The following PALLD variants were observed in gnomAD, a reference collection of about 807,000 sequenced individuals.
PALLD encodes the protein palladin, cytoskeletal associated protein.
PALLD carries 61 observed loss-of-function variants against 123.5 expected under a neutral mutation model. The ratio of observed to expected loss-of-function variants is 0.49; its 90% CI spans 0.40 to 0.61. PALLD has a LOEUF of 0.61. Among genes scored for constraint, PALLD ranks in the 20% least tolerant of loss-of-function variants. The pLI is 0.00. For missense variants in PALLD, 1,273 were observed against 1,377.0 expected (o/e 0.92, Z 1.20); for synonymous variants, 465 against 496.4 (o/e 0.94, Z 0.84).
intron 10 of PALLD, among the ~76,000 whole-genome samples, chr4:168,803,068 T>A (rs13147458): frequency 0.37 from 56,282 of 152,090 alleles, 10,799 homozygotes; most frequent in East Asian, 0.61. Context: ...TAAAAATGAT[T>A]GGTGATTGAA....
intron 10 of PALLD, among the ~76,000 whole-genome samples, chr4:168,749,500 A>C (rs961066969): frequency 6.6e-6 from 1 of 152,182 alleles, no homozygotes; most frequent in Non-Finnish European, 1.5e-5. Flanking sequence ...TAAGGCCAGA[A>C]GTTCGAGACT....
intron 10 of PALLD, among the ~76,000 whole-genome samples, chr4:168,864,158 CAGACAT>C (rs1043723198): frequency 2.6e-5 from 4 of 152,184 alleles, no homozygotes; most frequent in Non-Finnish European, 5.9e-5. Flanking sequence ...CTGTGTTACT[CAGACAT>C]AGAACCACGG....
intron 3 of PALLD, among the ~76,000 whole-genome samples, chr4:168,677,624 C>A (rs1290585105): frequency 6.6e-6 from 1 of 151,746 alleles, no homozygotes; most frequent in Non-Finnish European, 1.5e-5. Context: ...TTTTTGCCAC[C>A]CCTCCCCTTC....
chr4:168,518,418 C>T (rs901607698), intron 2 of PALLD, among the ~76,000 whole-genome samples: 2 of 152,120 alleles, frequency 1.3e-5, no homozygotes, highest in East Asian at 1.9e-4. Context: ...TCACTTAGTC[C>T]GAGTAAAATC....
chr4:168,618,445 A>G (rs764380389), intron 2 of PALLD, among the ~76,000 whole-genome samples: 1 of 152,174 alleles, frequency 6.6e-6, no homozygotes, highest in Non-Finnish European at 1.5e-5. Context: ...GGGCACGATC[A>G]TCTCCAGTTG....
At chr4:168,653,271 A>G (rs1010436470) in intron 2 of PALLD, among the ~76,000 whole-genome samples, 2 of 152,240 alleles carry the variant, frequency 1.3e-5, no homozygotes, top group African/African-American at 4.8e-5. Flanking sequence ...AACAACCTGG[A>G]AAAACAGCGG....
chr4:168,540,069 A>C (rs1765468580), intron 2 of PALLD, among the ~76,000 whole-genome samples: 1 of 152,102 alleles, frequency 6.6e-6, no homozygotes, highest in African/African-American at 2.4e-5. Context: ...CCAAGACCTT[A>C]AAGGCACCTG....
At chr4:168,690,083 T>G (rs1782476908) in intron 6 of PALLD, among the ~76,000 whole-genome samples, 1 of 152,180 alleles carries the variant, frequency 6.6e-6, no homozygotes, top group Admixed American at 6.5e-5. Context: ...TGAGAAAATG[T>G]AGAAACCCCT....
At chr4:168,772,440 T>G (rs1208553906) in intron 10 of PALLD, among the ~76,000 whole-genome samples, 1 of 152,114 alleles carries the variant, frequency 6.6e-6, no homozygotes, top group African/African-American at 2.4e-5. Context: ...GTACTAAACC[T>G]CCTCAAAAAA....
intron 15 of PALLD, among the ~76,000 whole-genome samples, chr4:168,908,576 G>A (rs2151358661): frequency 6.6e-6 from 1 of 152,200 alleles, no homozygotes; most frequent in East Asian, 1.9e-4. Context: ...GAAAACTGAA[G>A]TTGACTCCTT....
intron 10 of PALLD, among the ~76,000 whole-genome samples, chr4:168,836,731 C>T (rs568126453): frequency 2.0e-3 from 298 of 152,270 alleles, no homozygotes; most frequent in Non-Finnish European, 3.6e-3. Flanking sequence ...AAACCTACTG[C>T]GAAGTAGGCG....
intron 2 of PALLD, among the ~76,000 whole-genome samples, chr4:168,604,797 G>A (rs1221413474): frequency 6.6e-6 from 1 of 152,216 alleles, no homozygotes; most frequent in African/African-American, 2.4e-5. Context: ...GAGCTTCTGA[G>A]AGAATGCCTG....
intron 2 of PALLD, among the ~76,000 whole-genome samples, chr4:168,576,703 C>T (rs1769644878): frequency 6.6e-6 from 1 of 152,134 alleles, no homozygotes; most frequent in Non-Finnish European, 1.5e-5. Context: ...CATACGTGTG[C>T]ATGTGTCTTT....
At chr4:168,867,292 G>C (rs1560821084) in intron 10 of PALLD, among the ~76,000 whole-genome samples, 1 of 152,194 alleles carries the variant, frequency 6.6e-6, no homozygotes, top group Non-Finnish European at 1.5e-5. Context: ...GACGCTGTTG[G>C]TGCTGGCAGT....
chr4:168,743,886 G>C (rs1463547732), intron 10 of PALLD, among the ~76,000 whole-genome samples: 3 of 152,262 alleles, frequency 2.0e-5, no homozygotes, highest in African/African-American at 4.8e-5. Flanking sequence ...ACAAGCACAA[G>C]ATAAATAAGG....
At chr4:168,703,215 A>G (rs1401365299) in intron 8 of PALLD, among the ~76,000 whole-genome samples, 3 of 145,972 alleles carry the variant, frequency 2.1e-5, no homozygotes, top group Non-Finnish European at 4.5e-5. Context: ...AATTTCATCC[A>G]TGTCCCTACA....
chr4:168,594,826 C>T (rs1325578951), intron 2 of PALLD, among the ~76,000 whole-genome samples: 1 of 151,884 alleles, frequency 6.6e-6, no homozygotes, highest in Non-Finnish European at 1.5e-5. Context: ...TATTTTACAC[C>T]CATAGTATAT....
chr4:168,511,655 G>A lies in PALLD; in HGVS notation c.151G>A (p.Ala51Thr). 1.2e-6 allele frequency: 2 copies of A among 1,614,168 alleles called. No individual in the cohort carries two copies. Among genetic ancestry groups the A allele is most frequent in the Non-Finnish European group, 1.7e-6 (2 of 1,180,024 alleles). Reference protein sequence around the residue: ...KSLDLARRAIADSETEDFDSE... With the variant: ...KSLDLARRAITDSETEDFDSE... ...TCTTGACCTGGCCCGGAGAGCCATAGCCGACTCCGAAACAGAAGATTTTGA... is the reference window on the plus strand; with the variant it reads ...TCTTGACCTGGCCCGGAGAGCCATAACCGACTCCGAAACAGAAGATTTTGA... Residue 51 changes from alanine to threonine, a missense_variant, in exon 2 of 22, where the codon GCC becomes ACC. Coordinates refer to ENST00000505667, the MANE Select transcript of PALLD (RefSeq NM_001166108.2).
chr4:168,832,446 T>G lies in PALLD; in HGVS notation c.1965-58476T>G, dbSNP rs1744398922. Among the ~76,000 whole-genome samples the G allele has an allele frequency of 2.6e-5, 4 of 152,090 alleles. No individual in the cohort carries two copies. The South Asian group carries it at 8.3e-4, about 32-fold the overall frequency. On this transcript the variant is annotated intron_variant, in intron 10 of 21. Transcript: ENST00000505667. ...AGGGCCCAGACGGGAGAAGATGCTC[T>G]GCTGCCACGGACGATCCCTCCCGCT...
Sources: allele counts gnomAD v4.1 joint callset (sites outside exome capture counted in the v4.1 genomes callset), GRCh38; gene constraint gnomAD v4.1.1; transcripts MANE v1.5; gene names NCBI Gene and HGNC (gene_info 2026-07-23, HGNC 2026-07-21).